CDH13: variants seen among roughly 807,000 people sequenced by gnomAD.
CDH13 encodes the protein cadherin 13, also known as cadherin-13.
CDH13 carries 24 observed loss-of-function variants against 63.8 expected under a neutral mutation model. The observed-to-expected ratio is 0.38, with a 90% CI of 0.27 to 0.53. The LOEUF (loss-of-function observed/expected upper bound fraction) is 0.53, where lower values mean the gene tolerates loss of function less well. Among genes scored for constraint, CDH13 ranks in the 20% least tolerant of loss-of-function variants. CDH13 has a pLI of 0.85. For synonymous variants in CDH13, 503 were observed against 355.3 expected (o/e 1.42, Z -4.67); for missense variants, 1,049 against 903.1 (o/e 1.16, Z -2.07).
intron 3 of CDH13, among the ~76,000 whole-genome samples, chr16:83,101,975 A>G (rs2034499802): frequency 6.6e-6 from 1 of 152,188 alleles, no homozygotes; most frequent in African/African-American, 2.4e-5. Context: ...TAGACTTTGC[A>G]AATGTGATTC....
intron 6 of CDH13, among the ~76,000 whole-genome samples, chr16:83,436,279 T>A (rs1001764612): frequency 1.3e-5 from 2 of 152,184 alleles, no homozygotes; most frequent in Non-Finnish European, 2.9e-5. Context: ...TCGCTACATA[T>A]GTTTCTTCAT....
intron 5 of CDH13, among the ~76,000 whole-genome samples, chr16:83,344,168 A>T (rs2090786822): frequency 6.6e-6 from 1 of 152,248 alleles, no homozygotes; most frequent in Non-Finnish European, 1.5e-5. Context: ...TGTGCGCATA[A>T]GGTCCCCGTG....
chr16:82,907,578 A>G (rs1472620891), intron 2 of CDH13, among the ~76,000 whole-genome samples: 1 of 152,192 alleles, frequency 6.6e-6, no homozygotes, highest in African/African-American at 2.4e-5. Flanking sequence ...CATGCTTGCA[A>G]TTCTTTTCTT....
At chr16:82,684,293 C>G (rs1210191026) in intron 1 of CDH13, among the ~76,000 whole-genome samples, 1 of 152,104 alleles carries the variant, frequency 6.6e-6, no homozygotes, top group Non-Finnish European at 1.5e-5. Flanking sequence ...ATAAGGGTTT[C>G]CTTGATTACC....
chr16:83,064,551 T>G (rs1354135818), intron 3 of CDH13, among the ~76,000 whole-genome samples: 1 of 152,332 alleles, frequency 6.6e-6, no homozygotes, highest in East Asian at 1.9e-4. Context: ...CTGATTATTA[T>G]ATAATGATCA....
intron 1 of CDH13, among the ~76,000 whole-genome samples, chr16:82,798,404 T>G (rs957402542): frequency 6.6e-6 from 1 of 152,176 alleles, no homozygotes; most frequent in African/African-American, 2.4e-5. Flanking sequence ...CTAGACTGTT[T>G]CTTAAATTTG....
At chr16:83,573,941 C>T (rs1318515362) in intron 7 of CDH13, among the ~76,000 whole-genome samples, 1 of 152,162 alleles carries the variant, frequency 6.6e-6, no homozygotes, top group East Asian at 1.9e-4. Context: ...CATCTTGCTC[C>T]AGATTTCAGT....
chr16:83,736,084 C>T (rs995382529), intron 10 of CDH13, among the ~76,000 whole-genome samples: 8 of 152,182 alleles, frequency 5.3e-5, no homozygotes, highest in African/African-American at 1.9e-4. Flanking sequence ...TAGAAAAAGC[C>T]ACCCAATCTG....
intron 1 of CDH13, among the ~76,000 whole-genome samples, chr16:82,658,365 G>T (rs548518193): frequency 1.6e-4 from 24 of 152,250 alleles, no homozygotes; most frequent in African/African-American, 5.5e-4. Flanking sequence ...AGATTTAGCT[G>T]TCCCATTTAT....
At chr16:83,560,050 A>C (rs532873545) in intron 7 of CDH13, among the ~76,000 whole-genome samples, 33 of 152,288 alleles carry the variant, frequency 2.2e-4, no homozygotes, top group African/African-American at 7.2e-4. Flanking sequence ...AACTTCCTGC[A>C]ACACCCCAGC....
intron 3 of CDH13, among the ~76,000 whole-genome samples, chr16:83,038,413 C>A (rs761468554): frequency 2.0e-5 from 3 of 152,178 alleles, no homozygotes; most frequent in Non-Finnish European, 2.9e-5. Flanking sequence ...CACCTTAGAT[C>A]TGAGTAGGCA....
rs1555600119 is a variant in CDH13, at chr16:83,134,583, G to GAGAGAA, written c.483+9087_483+9088insAAGAGA. Among the ~76,000 whole-genome samples the GAGAGAA allele has an allele frequency of 3.5e-3, 209 of 59,754 alleles. 3 individuals are homozygous for GAGAGAA. Among genetic ancestry groups the GAGAGAA allele is most frequent in the African/African-American group, 0.025 (202 of 8,112 alleles). The allele number at this position is 59,754 out of a possible 152,430, so 39.2% of individuals were successfully genotyped here. Reference sequence around the variant, plus strand: ...AGAGAGAGAGAGAGAGAGAGAGAGAGAGAGAGAGAGTGAGTTACATGACTG... The same window carrying GAGAGAA: ...AGAGAGAGAGAGAGAGAGAGAGAGAGAGAGAAAGAGAGAGAGTGAGTTACATGACTG... On this transcript the variant is annotated intron_variant, in intron 4 of 13. Coordinates refer to ENST00000567109, the MANE Select transcript of CDH13 (RefSeq NM_001257.5).
At chr16:83,542,856 A>T (rs538350161) in intron 7 of CDH13, among the ~76,000 whole-genome samples, 1 of 152,272 alleles carries the variant, frequency 6.6e-6, no homozygotes, top group African/African-American at 2.4e-5. Flanking sequence ...CGTGCTCATG[A>T]CCTCATTTTA....
intron 1 of CDH13, among the ~76,000 whole-genome samples, chr16:82,664,127 G>A (rs139791635): frequency 1.3e-3 from 192 of 152,346 alleles, no homozygotes; most frequent in African/African-American, 4.4e-3. Context: ...GACAGTGAAG[G>A]GTTGAGGCAG....
chr16:83,023,320 C>A (rs1014667520), intron 2 of CDH13, among the ~76,000 whole-genome samples: 1 of 152,110 alleles, frequency 6.6e-6, no homozygotes, highest in Admixed American at 6.6e-5. Flanking sequence ...TCCACCCCGC[C>A]CTCCCAGGGT....
chr16:82,878,286 C>T (rs2040575539), intron 2 of CDH13, among the ~76,000 whole-genome samples: 2 of 151,774 alleles, frequency 1.3e-5, no homozygotes, highest in Non-Finnish European at 1.5e-5. Flanking sequence ...ATTAGAAAGC[C>T]CTTTGCTCTC....
intron 6 of CDH13, among the ~76,000 whole-genome samples, chr16:83,443,667 T>C (rs938058494): frequency 6.9e-6 from 1 of 144,080 alleles, no homozygotes; most frequent in Admixed American, 7.0e-5. Context: ...GCCTGGGAAT[T>C]TGAGGCCAGC....
intron 2 of CDH13, among the ~76,000 whole-genome samples, chr16:82,987,017 C>G (rs1597362151): frequency 6.6e-6 from 1 of 152,200 alleles, no homozygotes; most frequent in Non-Finnish European, 1.5e-5. Context: ...TAGGGATTCA[C>G]TTTTCAGGGA....
intron 5 of CDH13, among the ~76,000 whole-genome samples, chr16:83,283,496 C>T (rs559326009): frequency 6.6e-6 from 1 of 152,160 alleles, no homozygotes; most frequent in African/African-American, 2.4e-5. Context: ...GAGGCTGAGA[C>T]ATGAGAATCA....
Sources: allele counts gnomAD v4.1 joint callset (sites outside exome capture counted in the v4.1 genomes callset), GRCh38; gene constraint gnomAD v4.1.1; transcripts MANE v1.5; gene names NCBI Gene and HGNC (gene_info 2026-07-23, HGNC 2026-07-21).